RAD50: variants seen among roughly 807,000 people sequenced by gnomAD.
RAD50 encodes DNA repair protein RAD50.
In RAD50, 132 loss-of-function variants were observed where a neutral mutation model predicts 168.8. The observed-to-expected ratio is 0.78, with a 90% confidence interval of 0.68 to 0.90. The LOEUF (loss-of-function observed/expected upper bound fraction) is 0.90. RAD50 is among the 40% of genes least tolerant of loss of function. The pLI, the probability that RAD50 is intolerant of heterozygous loss-of-function variation, is 0.00. For synonymous variants in RAD50, 525 were observed against 497.4 expected, an observed-to-expected ratio of 1.06 and a Z score of -0.74; for missense variants, 1,347 against 1,534.4, an observed-to-expected ratio of 0.88 and a Z score of 2.04.
At chr5:132,579,543 T>C (rs1580987392) in intron 4 of RAD50, 41 bp downstream of exon 4, 6 of 1,571,420 alleles carry the variant, frequency 3.8e-6, no homozygotes, top group Admixed American at 1.7e-5. Flanking sequence ...CATTAAGTTA[T>C]TGAACTGTGT....
intron 16 of RAD50, among the ~76,000 whole-genome samples, chr5:132,607,606 AT>A (rs1751008093): frequency 6.6e-6 from 1 of 152,196 alleles, no homozygotes; most frequent in Admixed American, 6.5e-5. Flanking sequence ...TTGCATCTGT[AT>A]AATTTTTTAC....
In RAD50 at chr5:132,645,822, C is replaced by G. The variant is rs889712151; in HGVS notation, c.*3458C>G. The G allele has an allele frequency of 6.6e-6, 1 of 152,176 alleles. No individual in the cohort carries two copies. Among genetic ancestry groups the G allele is most frequent in the African/African-American group, 2.4e-5 (1 of 41,448 alleles). 9.4% of individuals were successfully genotyped at this position (152,176 alleles called of 1,614,324 possible). A position where few individuals can be genotyped will look rare whatever the true frequency, so the allele number is the denominator to read the frequency against. ...CCAGGGTTACTGAGTGAAGGCTATT[C>G]TAGCACATGTTAGTTACTGGCTTGC... On this transcript the variant is annotated 3_prime_UTR_variant, in exon 25 of 25. Coordinates refer to ENST00000378823, the MANE Select transcript of RAD50 (RefSeq NM_005732.4).
In RAD50 at chr5:132,644,875, A is replaced by G. The variant is rs1178132031; in HGVS notation, c.*2511A>G. On this transcript the variant is annotated 3_prime_UTR_variant, in exon 25 of 25. Coordinates refer to ENST00000378823, the MANE Select transcript of RAD50 (RefSeq NM_005732.4). The stretch of plus-strand genomic sequence containing the variant: ...AACCTCTGCCTCCCTGATACAAGCA[A>G]TCCTCCTGCCTCAGCCTCCCAAGTA... The G allele has an allele frequency of 1.3e-5, 2 of 152,628 alleles. No homozygotes were observed. The highest frequency in any genetic ancestry group is 4.8e-5 in the African/African-American group (2 of 41,428). 9.5% of individuals were successfully genotyped at this position (152,628 alleles called of 1,614,324 possible). A position where few individuals can be genotyped will look rare whatever the true frequency, so the allele number is the denominator to read the frequency against.
chr5:132,637,589 G>A (rs1045258645), intron 22 of RAD50, among the ~76,000 whole-genome samples: 4 of 151,586 alleles, frequency 2.6e-5, no homozygotes, highest in African/African-American at 9.7e-5. Flanking sequence ...GAGCGCAGTG[G>A]TGCAATCTTG....
intron 21 of RAD50, among the ~76,000 whole-genome samples, chr5:132,619,573 C>G (rs1275997048): frequency 6.6e-6 from 1 of 151,728 alleles, no homozygotes; most frequent in African/African-American, 2.4e-5. Flanking sequence ...CCCTATTGGT[C>G]TTTTCTTATT....
At chr5:132,640,914 C>T in intron 24 of RAD50, 109 bp downstream of exon 24, 1 of 1,558,798 alleles carries the variant, frequency 6.4e-7, no homozygotes, top group Non-Finnish European at 8.8e-7. Flanking sequence ...CGTTCTCTAG[C>T]TGTGTTCCCC....
chr5:132,627,585 G>A (rs542101879), intron 21 of RAD50, among the ~76,000 whole-genome samples: 3 of 152,282 alleles, frequency 2.0e-5, no homozygotes, highest in South Asian at 2.1e-4. Context: ...AGACCAGTAC[G>A]AACAGAAAGT....
intron 23 of RAD50, among the ~76,000 whole-genome samples, chr5:132,638,950 C>T (rs1338229946): frequency 6.6e-6 from 1 of 152,226 alleles, no homozygotes. Flanking sequence ...CAGAAGATTA[C>T]ACTTGATAAC....
chr5:132,568,371 C>T (rs954549765), intron 2 of RAD50, among the ~76,000 whole-genome samples: 5 of 152,060 alleles, frequency 3.3e-5, no homozygotes, highest in African/African-American at 9.7e-5. Context: ...GCATGAGCCA[C>T]GACGCCCGAC....
At position 132,588,834 on chromosome 5, in the gene RAD50, TGA is replaced by T. The variant is rs786203655; in HGVS notation, c.1208_1209del (p.Arg403ThrfsTer14). On this transcript the variant is annotated frameshift_variant, in exon 8 of 25. Transcript: ENST00000378823. LOFTEE classifies it high-confidence loss of function. Reference sequence around the variant, plus strand: ...CAGATTAAAAATTTTCACAAACTTGTGAGAGAGAGACAAGAAGGGGAAGCAAA... The same window carrying T: ...CAGATTAAAAATTTTCACAAACTTGTGAGAGAGACAAGAAGGGGAAGCAAA... The T allele has an allele frequency of 6.2e-7, 1 of 1,613,976 alleles. No individual in the cohort carries two copies. The highest frequency in any genetic ancestry group is 8.5e-7 in the Non-Finnish European group (1 of 1,179,928).
In RAD50 at chr5:132,557,245, T is replaced by C; in HGVS notation, c.-80T>C. On this transcript the variant is annotated 5_prime_UTR_variant, in exon 1 of 25. Coordinates refer to ENST00000378823, the MANE Select transcript of RAD50 (RefSeq NM_005732.4). ...GACCCTGAGATTCGCGGGTCTCACG[T>C]CCCGTGCACGCCTTGCTTCGGCCTC... 1 of 1,561,942 alleles carries C rather than the reference T, an allele frequency of 6.4e-7. No individual in the cohort carries two copies.
At chr5:132,640,949 C>T (rs558945890) in intron 24 of RAD50, 144 bp downstream of exon 24, 6 of 1,402,722 alleles carry the variant, frequency 4.3e-6, no homozygotes, top group African/African-American at 1.4e-5. Context: ...CCAGTTGGTG[C>T]CAGGCCCTGG....
chr5:132,575,769 CT>C lies in RAD50; in HGVS notation c.214-6del. 1.3e-6 allele frequency: 2 copies of C among 1,585,446 alleles called. No individual in the cohort carries two copies. The highest frequency in any genetic ancestry group is 1.7e-6 in the Non-Finnish European group (2 of 1,153,990). ...TAACATAAGTTTTTTCTGTGTTTTC[CT>C]TCAAAGGTTGCTCAAGAAACAGATG... On this transcript the variant is annotated splice_polypyrimidine_tract_variant and splice_region_variant and intron_variant, in intron 2 of 24. Coordinates refer to ENST00000378823, the MANE Select transcript of RAD50 (RefSeq NM_005732.4).
At chr5:132,606,063 A>C (rs1273263452) in intron 16 of RAD50, among the ~76,000 whole-genome samples, 3 of 152,224 alleles carry the variant, frequency 2.0e-5, no homozygotes, top group Admixed American at 2.0e-4. Flanking sequence ...CATCAAAATT[A>C]AAAGAACTAG....
intron 2 of RAD50, among the ~76,000 whole-genome samples, chr5:132,571,967 C>G (rs1241819434): frequency 6.6e-6 from 1 of 152,118 alleles, no homozygotes; most frequent in Non-Finnish European, 1.5e-5. Context: ...GCAACTATTT[C>G]AGGCTGAAAG....
At chr5:132,637,234 C>G in intron 22 of RAD50, 34 bp downstream of exon 22, 1 of 1,598,366 alleles carries the variant, frequency 6.3e-7, no homozygotes. Context: ...ATGCTCTTTC[C>G]AAAGCCCTCT....
intron 21 of RAD50, among the ~76,000 whole-genome samples, chr5:132,619,602 A>T (rs1156865055): frequency 6.6e-6 from 1 of 151,746 alleles, no homozygotes; most frequent in African/African-American, 2.4e-5. Context: ...TGTGTTCTTT[A>T]TCTCTTCTGC....
Position 132,575,939 on chromosome 5 carries a change from A to G in RAD50, c.365+11A>G. ...CATTACTAGAACAAAGTAGGTGTTT[A>G]TATGATATTTGAATTTCTGTTCATT... On this transcript the variant is annotated intron_variant, in intron 3 of 24. Transcript: ENST00000378823. 1.3e-6 allele frequency: 2 copies of G among 1,591,278 alleles called. No individual in the cohort carries two copies. Among genetic ancestry groups the G allele is most frequent in the Non-Finnish European group, 1.7e-6 (2 of 1,163,874 alleles).
At chr5:132,639,459 G>C (rs890549147) in intron 23 of RAD50, among the ~76,000 whole-genome samples, 3 of 151,916 alleles carry the variant, frequency 2.0e-5, no homozygotes, top group Non-Finnish European at 4.4e-5. Context: ...CTAAATCATA[G>C]TCTACAAAAA....
Sources: allele counts gnomAD v4.1 joint callset (sites outside exome capture counted in the v4.1 genomes callset), GRCh38; gene constraint gnomAD v4.1.1; transcripts MANE v1.5; gene names NCBI Gene and HGNC (gene_info 2026-07-23, HGNC 2026-07-21).